BCAS1: variants seen among roughly 807,000 people sequenced by gnomAD.
BCAS1 encodes breast carcinoma-amplified sequence 1.
In BCAS1, 46 loss-of-function variants were observed where a neutral mutation model predicts 65.4. That is an observed-to-expected ratio of 0.70 (90% CI 0.55 to 0.90). The LOEUF is 0.90. Among genes scored for constraint, BCAS1 ranks in the 40% least tolerant of loss-of-function variants. The pLI, the probability that BCAS1 is intolerant of heterozygous loss-of-function variation, is 0.00. For synonymous variants in BCAS1, 298 were observed against 293.5 expected (o/e 1.02, Z -0.16); for missense variants, 793 against 771.2 (o/e 1.03, Z -0.33).
At chr20:54,048,916 G>A (rs372554250) in intron 3 of BCAS1, among the ~76,000 whole-genome samples, 152 of 152,314 alleles carry the variant, frequency 1.0e-3, no homozygotes, top group African/African-American at 3.1e-3. Flanking sequence ...GATGGCAAGC[G>A]TCCTGCTCTC....
chr20:54,012,629 A>C (rs1369715651), intron 4 of BCAS1, among the ~76,000 whole-genome samples: 1 of 152,222 alleles, frequency 6.6e-6, no homozygotes, highest in Non-Finnish European at 1.5e-5. Context: ...TTTTGCAGCC[A>C]TGAATTATTT....
chr20:54,048,335 C>T (rs543568415), intron 3 of BCAS1, among the ~76,000 whole-genome samples: 2 of 152,248 alleles, frequency 1.3e-5, no homozygotes, highest in Admixed American at 6.5e-5. Context: ...CAATCGTCTC[C>T]AGCCCCAACC....
chr20:53,977,979 G>A (rs1409273640), intron 8 of BCAS1, among the ~76,000 whole-genome samples: 11 of 151,480 alleles, frequency 7.3e-5, no homozygotes, highest in African/African-American at 2.2e-4. Flanking sequence ...ATGCTGGTGC[G>A]CTGCACCCAC....
At chr20:53,969,230 G>C (rs2090118606) in intron 9 of BCAS1, among the ~76,000 whole-genome samples, 1 of 151,952 alleles carries the variant, frequency 6.6e-6, no homozygotes, top group Non-Finnish European at 1.5e-5. Context: ...TATTAAATCA[G>C]GCAATACATG....
intron 4 of BCAS1, among the ~76,000 whole-genome samples, chr20:54,021,830 A>G (rs2091565800): frequency 3.9e-5 from 6 of 152,132 alleles, no homozygotes; most frequent in African/African-American, 1.4e-4. Context: ...CATGGCACAC[A>G]TTTATTTTAA....
intron 3 of BCAS1, among the ~76,000 whole-genome samples, chr20:54,041,908 CCAAAAAA>C (rs1446530234): frequency 1.0e-4 from 7 of 67,362 alleles, no homozygotes; most frequent in Admixed American, 6.9e-4. Flanking sequence ...TCTGTCTCCC[CCAAAAAA>C]AAAAAAAAAA....
At chr20:54,033,225 T>A (rs2146139039) in intron 3 of BCAS1, among the ~76,000 whole-genome samples, 1 of 150,802 alleles carries the variant, frequency 6.6e-6, no homozygotes, top group South Asian at 2.1e-4. Context: ...CAATCTAACC[T>A]CACAACTACA....
Position 53,957,450 on chromosome 20 carries a change from C to A in BCAS1, c.1533G>T (p.Gly511=). ...CACTTACTTGGCAGCTGGAGTCTTTCCCATTTATTTCTTCTGAGTGGGTGA... is the reference window on the plus strand; with the variant it reads ...CACTTACTTGGCAGCTGGAGTCTTTACCATTTATTTCTTCTGAGTGGGTGA... ...GGITHSEEIN[G]KDSSCQTSDS... Residue 511 remains glycine, a synonymous_variant, in exon 11 of 13, where the codon GGG becomes GGT. Coordinates refer to ENST00000688948, the MANE Select transcript of BCAS1 (RefSeq NM_001366298.2). 6.2e-7 allele frequency: 1 copy of A among 1,614,088 alleles called. No individual in the cohort carries two copies. Among genetic ancestry groups the A allele is most frequent in the Non-Finnish European group, 8.5e-7 (1 of 1,179,932 alleles).
At position 53,998,052 on chromosome 20, in the gene BCAS1, G is replaced by A. The variant is rs542212138; in HGVS notation, c.724-2002C>T. Among the ~76,000 whole-genome samples, 7 of 152,214 alleles carry A rather than the reference G, an allele frequency of 4.6e-5. No homozygotes were observed. The South Asian group carries it at 1.2e-3, about 27-fold the overall frequency. ...CCTCAAAAGCGATTTCTAACAATTC[G>A]CAGTGTGTGAGGTGGCAGAAGCCCA... On this transcript the variant is annotated intron_variant, in intron 4 of 12. Transcript: ENST00000688948.
At chr20:54,065,101 G>GTATC (rs1217114021) in intron 1 of BCAS1, among the ~76,000 whole-genome samples, 34 of 146,158 alleles carry the variant, frequency 2.3e-4, no homozygotes, top group African/African-American at 8.7e-4. Flanking sequence ...TTTATGATGA[G>GTATC]TATCTATCTA....
chr20:53,988,047 G>T (rs553756567), intron 7 of BCAS1, among the ~76,000 whole-genome samples: 115 of 152,250 alleles, frequency 7.6e-4, no homozygotes, highest in African/African-American at 2.7e-3. Context: ...CTAAGAAAGG[G>T]CTCTGGTTGC....
At chr20:53,949,205 C>T (rs2089434246) in intron 12 of BCAS1, among the ~76,000 whole-genome samples, 1 of 39,416 alleles carries the variant, frequency 2.5e-5, no homozygotes, top group Non-Finnish European at 7.0e-5. Context: ...CATATATCCG[C>T]ACACACACAC....
chr20:54,057,977 G>T, intron 3 of BCAS1, 108 bp downstream of exon 3: 1 of 843,338 alleles, frequency 1.2e-6, no homozygotes. Flanking sequence ...TTCAAACTGA[G>T]CCTGCGGCTT....
At chr20:54,013,632 A>G (rs2091369056) in intron 4 of BCAS1, among the ~76,000 whole-genome samples, 3 of 152,240 alleles carry the variant, frequency 2.0e-5, no homozygotes, top group Non-Finnish European at 4.4e-5. Flanking sequence ...GAAATAACAA[A>G]TGTACAAGGT....
intron 9 of BCAS1, among the ~76,000 whole-genome samples, chr20:53,972,347 CT>C (rs1422747697): frequency 6.6e-6 from 1 of 152,180 alleles, no homozygotes; most frequent in African/African-American, 2.4e-5. Flanking sequence ...CAGCTGTGAG[CT>C]GTATCATTTC....
intron 6 of BCAS1, 43 bp from the exon 7 acceptor site, chr20:53,992,689 A>G (rs758026772): frequency 7.3e-7 from 1 of 1,361,810 alleles, no homozygotes; most frequent in East Asian, 4.6e-5. Context: ...TTTGTTTTTG[A>G]ACAAAATTCT....
chr20:53,974,029 T>C lies in BCAS1; in HGVS notation c.1317+1360A>G, dbSNP rs148225450. Among the ~76,000 whole-genome samples the C allele has an allele frequency of 3.4e-4, 51 of 149,838 alleles. No individual in the cohort carries two copies. The East Asian group carries it at 9.3e-3, about 27-fold the overall frequency. On this transcript the variant is annotated intron_variant, in intron 9 of 12. Coordinates refer to ENST00000688948, the MANE Select transcript of BCAS1 (RefSeq NM_001366298.2). Reference sequence around the variant, plus strand: ...ACCAGTCAGCACTTTGTGTCTAGCTTAAGGATGTAAATGCACCAATCAGCA... The same window carrying C: ...ACCAGTCAGCACTTTGTGTCTAGCTCAAGGATGTAAATGCACCAATCAGCA...
intron 10 of BCAS1, 61 bp downstream of exon 10, chr20:53,966,845 A>G (rs1003638755): frequency 2.7e-6 from 4 of 1,491,128 alleles, no homozygotes; most frequent in Middle Eastern, 1.8e-4. Context: ...GCATGAGCCC[A>G]TTGTTCCCAG....
chr20:53,944,191 A>C lies in BCAS1; in HGVS notation c.*731T>G, dbSNP rs1015823147. The C allele has an allele frequency of 4.6e-5, 7 of 152,282 alleles. No individual in the cohort carries two copies. The highest frequency in any genetic ancestry group is 3.4e-3 in the Middle Eastern group (1 of 294). The allele number at this position is 152,282 out of a possible 1,614,324, so 9.4% of individuals were successfully genotyped here. On this transcript the variant is annotated 3_prime_UTR_variant, in exon 13 of 13. Coordinates refer to ENST00000688948, the MANE Select transcript of BCAS1 (RefSeq NM_001366298.2). ...ACACAGCCCGGGTTCTCCCTCCTTG[A>C]GATGTGAATTTAAACAAATGGATTT... is the stretch of plus-strand genomic sequence containing the variant.
Sources: allele counts gnomAD v4.1 joint callset (sites outside exome capture counted in the v4.1 genomes callset), GRCh38; gene constraint gnomAD v4.1.1; transcripts MANE v1.5; gene names NCBI Gene and HGNC (gene_info 2026-07-23, HGNC 2026-07-21).